Variants in ZGRF1 observed in about 807,000 individuals in gnomAD.
ZGRF1 encodes the protein 5'-3' DNA helicase ZGRF1.
In ZGRF1, 196 loss-of-function variants were observed where a neutral mutation model predicts 203.5. That is an observed-to-expected ratio of 0.96 (90% CI 0.86 to 1.08). ZGRF1 has a LOEUF of 1.08. Among genes scored for constraint, ZGRF1 ranks in the 50% least tolerant of loss-of-function variants. The pLI, the probability that ZGRF1 is intolerant of heterozygous loss-of-function variation, is 0.00. For synonymous variants in ZGRF1, 809 were observed against 841.3 expected, an observed-to-expected ratio of 0.96 and a Z score of 0.66; for missense variants, 2,326 against 2,416.3, an observed-to-expected ratio of 0.96 and a Z score of 0.78.
chr4:112,561,136 T>A, intron 18 of ZGRF1, 141 bp from the exon 19 acceptor site: 1 of 662,130 alleles, frequency 1.5e-6, no homozygotes, highest in East Asian at 2.7e-5. Flanking sequence ...AGTGGATATA[T>A]ACTGTAAATG....
chr4:112,608,620 TAAAAAAC>T (rs1751121068), intron 8 of ZGRF1, among the ~76,000 whole-genome samples: 1 of 151,802 alleles, frequency 6.6e-6, no homozygotes, highest in South Asian at 2.1e-4. Flanking sequence ...AACTCCACCT[TAAAAAAC>T]AAAAAGAAAA....
At chr4:112,581,609 G>A (rs2148994081) in intron 16 of ZGRF1, 54 bp downstream of exon 16, 1 of 1,331,414 alleles carries the variant, frequency 7.5e-7, no homozygotes, top group Non-Finnish European at 1.0e-6. Context: ...ACAGCTGTAT[G>A]TAATGGAGAT....
chr4:112,559,591 A>C (rs779057288), intron 19 of ZGRF1, among the ~76,000 whole-genome samples: 2 of 152,228 alleles, frequency 1.3e-5, no homozygotes, highest in African/African-American at 2.4e-5. Flanking sequence ...AAGTTGTGTG[A>C]GATAATTACA....
intron 7 of ZGRF1, among the ~76,000 whole-genome samples, chr4:112,612,214 C>G (rs2046708661): frequency 6.6e-6 from 1 of 152,200 alleles, no homozygotes; most frequent in African/African-American, 2.4e-5. Flanking sequence ...GATCTGCCTG[C>G]CTCAGCCTCC....
intron 24 of ZGRF1, among the ~76,000 whole-genome samples, chr4:112,541,534 G>GTTTTTT (rs35774230): frequency 1.5e-5 from 2 of 135,274 alleles, no homozygotes; most frequent in Non-Finnish European, 3.2e-5. Context: ...TTTTTGTTTT[G>GTTTTTT]TTTTTTTTTT....
At chr4:112,633,263 A>G in intron 1 of ZGRF1, 21 bp from the exon 2 acceptor site, 1 of 1,072,290 alleles carries the variant, frequency 9.3e-7, no homozygotes, top group Non-Finnish European at 1.4e-6. Flanking sequence ...AAATGACATA[A>G]AATTTCAACC....
At chr4:112,631,703 T>G (rs1002935404) in intron 3 of ZGRF1, among the ~76,000 whole-genome samples, 5 of 152,146 alleles carry the variant, frequency 3.3e-5, no homozygotes, top group African/African-American at 9.7e-5. Context: ...CAATAGTTAC[T>G]GTACTGTGCT....
chr4:112,636,104 T>C (rs1418077967), intron 1 of ZGRF1, among the ~76,000 whole-genome samples: 3 of 152,180 alleles, frequency 2.0e-5, no homozygotes, highest in Admixed American at 1.3e-4. Context: ...TATATTTAAG[T>C]GAGATGCAAA....
intron 16 of ZGRF1, among the ~76,000 whole-genome samples, chr4:112,567,875 G>A (rs542617192): frequency 2.6e-5 from 4 of 152,096 alleles, no homozygotes; most frequent in South Asian, 2.1e-4. Flanking sequence ...GCAGTGAGCC[G>A]TGATTGCTCT....
chr4:112,597,212 TAAA>T (rs1273783172), intron 10 of ZGRF1, among the ~76,000 whole-genome samples: 3 of 105,330 alleles, frequency 2.8e-5, no homozygotes, highest in African/African-American at 3.7e-5. Context: ...AAACTCCATC[TAAA>T]AAAAAAAAAA....
intron 7 of ZGRF1, 91 bp downstream of exon 7, chr4:112,612,433 G>T: frequency 1.2e-6 from 1 of 812,296 alleles, no homozygotes; most frequent in Non-Finnish European, 2.0e-6. Context: ...AACCAAGATA[G>T]CTTGGGACTG....
At position 112,579,602 on chromosome 4, in the gene ZGRF1, A is replaced by C. The variant is rs1272054976; in HGVS notation, c.4438+2061T>G. ...CAGGATACAAAATCAATGTGCAAAA[A>C]TCATAAGCATTCTTATACACCAATA... On this transcript the variant is annotated intron_variant, in intron 16 of 27. Coordinates refer to ENST00000505019, the MANE Select transcript of ZGRF1 (RefSeq NM_018392.5). Among the ~76,000 whole-genome samples, 2 of 122,258 alleles carry C rather than the reference A, an allele frequency of 1.6e-5. 1 individual carries two copies. Among genetic ancestry groups the C allele is most frequent in the East Asian group, 4.8e-4 (2 of 4,176 alleles). 80.2% of individuals were successfully genotyped at this position (122,258 alleles called of 152,430 possible). A position where few individuals can be genotyped will look rare whatever the true frequency, so the allele number is the denominator to read the frequency against.
chr4:112,610,820 T>C (rs1407497362), intron 7 of ZGRF1: 2 of 164,364 alleles, frequency 1.2e-5, no homozygotes, highest in Non-Finnish European at 2.7e-5. Context: ...ATAGGATGGA[T>C]GGTAAATAAC....
chr4:112,599,004 T>A (rs1408146799), intron 10 of ZGRF1, among the ~76,000 whole-genome samples: 1 of 152,082 alleles, frequency 6.6e-6, no homozygotes, highest in African/African-American at 2.4e-5. Context: ...TGAGCCAATA[T>A]CATGCCACTG....
chr4:112,585,556 C>CT lies in ZGRF1; in HGVS notation c.4085dup (p.Glu1363GlyfsTer5). On this transcript the variant is annotated frameshift_variant, in exon 14 of 28. Transcript: ENST00000505019. LOFTEE classifies it high-confidence loss of function. Reference sequence around the variant, plus strand: ...GCAAGAATACCTTATTTGGACCTTCCTTTTTAACCATGACAAGTTTTGCAG... The same window carrying CT: ...GCAAGAATACCTTATTTGGACCTTCCTTTTTTAACCATGACAAGTTTTGCAG... 6.2e-7 allele frequency: 1 copy of CT among 1,608,898 alleles called. No individual in the cohort carries two copies. The highest frequency in any genetic ancestry group is 8.5e-7 in the Non-Finnish European group (1 of 1,178,116).
intron 6 of ZGRF1, among the ~76,000 whole-genome samples, chr4:112,614,671 A>G (rs954939505): frequency 6.6e-6 from 1 of 152,184 alleles, no homozygotes; most frequent in Non-Finnish European, 1.5e-5. Flanking sequence ...ATAAAAAAAA[A>G]CAAAAATTAG....
intron 20 of ZGRF1, among the ~76,000 whole-genome samples, chr4:112,555,780 A>T (rs1474114674): frequency 6.6e-6 from 1 of 152,182 alleles, no homozygotes; most frequent in African/African-American, 2.4e-5. Flanking sequence ...AATGTACGAA[A>T]CCAGACTATA....
intron 10 of ZGRF1, among the ~76,000 whole-genome samples, chr4:112,598,467 T>C (rs1208215810): frequency 1.4e-5 from 2 of 138,400 alleles, no homozygotes; most frequent in Non-Finnish European, 3.1e-5. Context: ...ATTGAATATA[T>C]ATTTATCTTA....
chr4:112,575,864 C>G (rs1289725808), intron 16 of ZGRF1, among the ~76,000 whole-genome samples: 1 of 152,202 alleles, frequency 6.6e-6, no homozygotes, highest in Non-Finnish European at 1.5e-5. Flanking sequence ...AGGACTTAGC[C>G]AAACAAAAGG....
Sources: allele counts gnomAD v4.1 joint callset (sites outside exome capture counted in the v4.1 genomes callset), GRCh38; gene constraint gnomAD v4.1.1; transcripts MANE v1.5; gene names NCBI Gene and HGNC (gene_info 2026-07-23, HGNC 2026-07-21).